The following CSGALNACT1 variants were observed in gnomAD, a reference collection of about 807,000 sequenced individuals.
CSGALNACT1 encodes chondroitin sulfate N-acetylgalactosaminyltransferase 1.
In CSGALNACT1, 52 loss-of-function variants were observed where a neutral mutation model predicts 51.0. The ratio of observed to expected loss-of-function variants is 1.02; its 90% CI spans 0.82 to 1.29. The LOEUF is 1.29. Ranked by LOEUF, CSGALNACT1 falls within the 50% of genes most tolerant of loss-of-function variation. The pLI, the probability that CSGALNACT1 is intolerant of heterozygous loss-of-function variation, is 0.00. For synonymous variants in CSGALNACT1, 341 were observed against 254.4 expected, an observed-to-expected ratio of 1.34 and a Z score of -3.24; for missense variants, 935 against 679.2, an observed-to-expected ratio of 1.38 and a Z score of -4.19.
At chr8:19,609,972 G>A (rs2051976063) in intron 1 of CSGALNACT1, among the ~76,000 whole-genome samples, 1 of 152,034 alleles carries the variant, frequency 6.6e-6, no homozygotes. Context: ...TGTAATCCCA[G>A]CAGTTTGGGA....
chr8:19,580,126 G>A (rs901133342), intron 3 of CSGALNACT1, among the ~76,000 whole-genome samples: 2 of 152,228 alleles, frequency 1.3e-5, no homozygotes, highest in African/African-American at 2.4e-5. Context: ...GACAGCTGCA[G>A]CCCAAAGCCT....
intron 3 of CSGALNACT1, among the ~76,000 whole-genome samples, chr8:19,556,942 C>A (rs540462987): frequency 6.7e-6 from 1 of 149,432 alleles, no homozygotes; most frequent in Non-Finnish European, 1.5e-5. Flanking sequence ...AAACAAACCA[C>A]ACCACTGCAG....
intron 1 of CSGALNACT1, among the ~76,000 whole-genome samples, chr8:19,719,084 A>G (rs1352384072): frequency 6.6e-6 from 1 of 152,160 alleles, no homozygotes; most frequent in African/African-American, 2.4e-5. Flanking sequence ...TTTGTACCCT[A>G]TTTCTACGAA....
exon 4 of CSGALNACT1, chr8:19,505,540 G>C (rs200953147): frequency 1.3e-5 from 21 of 1,613,814 alleles, no homozygotes; most frequent in Non-Finnish European, 1.8e-5. Flanking sequence ...TCGCTGGCTT[G>C]GTACTGCCCA....
intron 1 of CSGALNACT1, among the ~76,000 whole-genome samples, chr8:19,678,987 A>G (rs992454638): frequency 6.6e-6 from 1 of 152,326 alleles, no homozygotes; most frequent in South Asian, 2.1e-4. Context: ...TGACATAAAG[A>G]TTAAGTAGGA....
chr8:19,491,510 ATG>A (rs2074353586), intron 4 of CSGALNACT1, among the ~76,000 whole-genome samples: 1 of 152,220 alleles, frequency 6.6e-6, no homozygotes, highest in Admixed American at 6.5e-5. Context: ...TCCTAACAAT[ATG>A]TGTCATCATT....
At chr8:19,494,251 C>T (rs1210137368) in intron 4 of CSGALNACT1, among the ~76,000 whole-genome samples, 1 of 152,138 alleles carries the variant, frequency 6.6e-6, no homozygotes, top group Admixed American at 6.6e-5. Flanking sequence ...CTTGTGCATA[C>T]CTCCATGTTT....
At chr8:19,739,274 T>A (rs1418662335) in intron 1 of CSGALNACT1, among the ~76,000 whole-genome samples, 1 of 151,970 alleles carries the variant, frequency 6.6e-6, no homozygotes, top group Non-Finnish European at 1.5e-5. Context: ...AAATAGAACG[T>A]TCAAGTCAAT....
chr8:19,639,983 G>C (rs930346818), intron 1 of CSGALNACT1, among the ~76,000 whole-genome samples: 2 of 151,768 alleles, frequency 1.3e-5, no homozygotes, highest in African/African-American at 4.8e-5. Flanking sequence ...CCTGGGCTCA[G>C]GTGATTCTCC....
chr8:19,686,307 GA>G (rs964454445), upstream of CSGALNACT1, among the ~76,000 whole-genome samples: 2 of 151,700 alleles, frequency 1.3e-5, no homozygotes, highest in African/African-American at 2.4e-5. Flanking sequence ...CAGCTTAGAG[GA>G]AAAAAAACTA....
chr8:19,666,178 A>G (rs910635164), intron 1 of CSGALNACT1, among the ~76,000 whole-genome samples: 3 of 152,206 alleles, frequency 2.0e-5, no homozygotes, highest in African/African-American at 7.2e-5. Flanking sequence ...GAATGCTAGA[A>G]AAGGAACAAG....
intron 8 of CSGALNACT1, among the ~76,000 whole-genome samples, chr8:19,416,416 GA>G (rs1401351116): frequency 6.6e-6 from 1 of 151,666 alleles, no homozygotes; most frequent in Non-Finnish European, 1.5e-5. Flanking sequence ...CCCGGCCAAG[GA>G]AAACTTTTAA....
At chr8:19,480,046 C>A (rs1490591227) in intron 4 of CSGALNACT1, among the ~76,000 whole-genome samples, 5 of 152,192 alleles carry the variant, frequency 3.3e-5, no homozygotes, top group Admixed American at 2.6e-4. Flanking sequence ...ATAACTACAA[C>A]AATGCATATT....
chr8:19,435,285 G>C (rs1424337353), intron 6 of CSGALNACT1, among the ~76,000 whole-genome samples: 1 of 152,138 alleles, frequency 6.6e-6, no homozygotes, highest in East Asian at 1.9e-4. Flanking sequence ...ACAAGGTCAA[G>C]AGATCGAGAC....
chr8:19,754,848 C>G (rs1259068350), intron 1 of CSGALNACT1, among the ~76,000 whole-genome samples: 1 of 152,174 alleles, frequency 6.6e-6, no homozygotes, highest in African/African-American at 2.4e-5. Context: ...TCCAACCCGG[C>G]TTTATAGGTT....
At chr8:19,484,450 A>G (rs1037301816) in intron 4 of CSGALNACT1, among the ~76,000 whole-genome samples, 1 of 152,220 alleles carries the variant, frequency 6.6e-6, no homozygotes, top group African/African-American at 2.4e-5. Flanking sequence ...TATAAAGGAA[A>G]GAGGTTTAAT....
chr8:19,623,129 A>G (rs1204671564), intron 1 of CSGALNACT1, among the ~76,000 whole-genome samples: 1 of 152,230 alleles, frequency 6.6e-6, no homozygotes, highest in Non-Finnish European at 1.5e-5. Flanking sequence ...GTTAAAAAAC[A>G]TATGCAAATA....
intron 6 of CSGALNACT1, among the ~76,000 whole-genome samples, chr8:19,428,823 A>ATGTGTGTG (rs1491349164): frequency 3.9e-5 from 2 of 51,248 alleles, no homozygotes; most frequent in Admixed American, 3.0e-4. Context: ...ATAAGACATG[A>ATGTGTGTG]TATGTGTGTG....
At chr8:19,667,016 A>AAGG (rs2059383922) in intron 1 of CSGALNACT1, among the ~76,000 whole-genome samples, 2 of 43,478 alleles carry the variant, frequency 4.6e-5, no homozygotes, top group East Asian at 5.3e-4. Context: ...AGAAAGAAAG[A>AAGG]AAGGAAGGAA....
Sources: gnomAD v4.1 joint callset for allele counts (sites outside exome capture counted in the v4.1 genomes callset) on GRCh38, gnomAD v4.1.1 for gene constraint, MANE v1.5 for transcripts, NCBI Gene and HGNC (gene_info 2026-07-23, HGNC 2026-07-21) for gene names.